Variants in ERC2 observed in about 807,000 individuals in gnomAD.
The protein encoded by ERC2 is ERC protein 2.
ERC2 carries 42 observed loss-of-function variants against 114.8 expected under a neutral mutation model. The observed-to-expected ratio is 0.37, with a 90% CI of 0.29 to 0.47. The LOEUF (loss-of-function observed/expected upper bound fraction) is 0.47. Among genes scored for constraint, ERC2 ranks in the 20% least tolerant of loss-of-function variants. The pLI, the probability that ERC2 is intolerant of heterozygous loss-of-function variation, is 0.99. For missense variants in ERC2, 939 were observed against 1,150.7 expected, an observed-to-expected ratio of 0.82 and a Z score of 2.66; for synonymous variants, 454 against 425.5, an observed-to-expected ratio of 1.07 and a Z score of -0.82.
chr3:56,340,098 G>A, intron 2 of ERC2, among the ~76,000 whole-genome samples: 1 of 152,158 alleles, frequency 6.6e-6, no homozygotes, highest in Non-Finnish European at 1.5e-5. Flanking sequence ...CCTATGATTT[G>A]GTAAATATAT....
intron 13 of ERC2, among the ~76,000 whole-genome samples, chr3:55,901,169 CTGGAGT>C (rs1172573351): frequency 6.6e-6 from 1 of 152,182 alleles, no homozygotes; most frequent in Non-Finnish European, 1.5e-5. Context: ...TTTTGTTTCA[CTGGAGT>C]AGAATAGTCA....
intron 14 of ERC2, among the ~76,000 whole-genome samples, chr3:55,874,579 T>G (rs2062737639): frequency 1.3e-5 from 2 of 151,742 alleles, no homozygotes; most frequent in Admixed American, 1.3e-4. Context: ...GATTTAACAA[T>G]GATTTGTTAA....
chr3:55,580,029 G>A (rs2057180484), intron 17 of ERC2, among the ~76,000 whole-genome samples: 1 of 152,240 alleles, frequency 6.6e-6, no homozygotes, highest in Non-Finnish European at 1.5e-5. Flanking sequence ...AGGGACATAG[G>A]AAGAGAATTC....
chr3:56,108,095 C>T (rs376920985), intron 6 of ERC2, among the ~76,000 whole-genome samples: 1 of 152,152 alleles, frequency 6.6e-6, no homozygotes, highest in African/African-American at 2.4e-5. Context: ...TAGCCTAAGA[C>T]ACTTTATTAA....
intron 1 of ERC2, among the ~76,000 whole-genome samples, chr3:56,452,866 AGT>A (rs2107526064): frequency 6.6e-6 from 1 of 152,364 alleles, no homozygotes; most frequent in East Asian, 1.9e-4. Context: ...TACTTAGCAC[AGT>A]GCCTGAGGCT....
chr3:55,597,148 C>T lies in ERC2; in HGVS notation c.*40-85872G>A, dbSNP rs574541655. On this transcript the variant is annotated intron_variant, in intron 17 of 17. Coordinates refer to ENST00000288221, the MANE Select transcript of ERC2 (RefSeq NM_015576.3). ...AAAAGAAGAATGATTTGGCCGGGCG[C>T]GGTGGCTCACGCCTGTAATCCCAGC... Among the ~76,000 whole-genome samples the T allele has an allele frequency of 3.3e-4, 50 of 152,256 alleles. 1 individual carries two copies. The South Asian group carries it at 5.4e-3, about 16-fold the overall frequency.
intron 7 of ERC2, among the ~76,000 whole-genome samples, chr3:56,047,788 C>T (rs114765078): frequency 1.1e-3 from 174 of 152,302 alleles, no homozygotes; most frequent in African/African-American, 4.1e-3. Flanking sequence ...TTCCTCCTTT[C>T]CATGGTTCAG....
chr3:56,378,668 A>C (rs1205608965), intron 2 of ERC2, among the ~76,000 whole-genome samples: 1 of 152,212 alleles, frequency 6.6e-6, no homozygotes, highest in East Asian at 1.9e-4. Flanking sequence ...ATATAATTCC[A>C]AGTTCCCAAA....
chr3:56,002,833 AC>A (rs1455963595), intron 10 of ERC2, among the ~76,000 whole-genome samples: 1 of 152,154 alleles, frequency 6.6e-6, no homozygotes, highest in Non-Finnish European at 1.5e-5. Context: ...TCTTCAGCTG[AC>A]TTTTGTTTTT....
At chr3:55,691,049 C>T (rs993097812) in intron 16 of ERC2, among the ~76,000 whole-genome samples, 1 of 152,188 alleles carries the variant, frequency 6.6e-6, no homozygotes, top group African/African-American at 2.4e-5. Context: ...TACCTGTGGC[C>T]TCACAGAGAG....
chr3:55,878,056 TG>T (rs2062945984), intron 14 of ERC2, among the ~76,000 whole-genome samples: 1 of 152,166 alleles, frequency 6.6e-6, no homozygotes, highest in Non-Finnish European at 1.5e-5. Context: ...CTTTTCTTAA[TG>T]GGTGACCTTC....
intron 3 of ERC2, among the ~76,000 whole-genome samples, chr3:56,281,466 G>C (rs2054344910): frequency 7.2e-6 from 1 of 139,114 alleles, no homozygotes; most frequent in Non-Finnish European, 1.5e-5. Flanking sequence ...AAAAAGTATA[G>C]AGGACATTAT....
At chr3:55,674,705 C>T (rs2061705946) in intron 17 of ERC2, among the ~76,000 whole-genome samples, 1 of 152,200 alleles carries the variant, frequency 6.6e-6, no homozygotes, top group Non-Finnish European at 1.5e-5. Flanking sequence ...GAGAAATCTT[C>T]TCTCGAAGAG....
At chr3:56,130,545 C>T (rs941913533) in intron 6 of ERC2, among the ~76,000 whole-genome samples, 16 of 152,154 alleles carry the variant, frequency 1.1e-4, no homozygotes, top group African/African-American at 3.4e-4. Context: ...TTAAATAAGG[C>T]GTTCTCTGAA....
intron 17 of ERC2, among the ~76,000 whole-genome samples, chr3:55,679,220 A>T (rs1458031446): frequency 2.0e-5 from 3 of 152,000 alleles, no homozygotes; most frequent in Admixed American, 1.3e-4. Flanking sequence ...ACCCAGAGTT[A>T]TGGTCTTCAA....
rs368728798 is a variant in ERC2 at position 55,747,780 on chromosome 3, C to T, written c.2565-12862G>A. Among the ~76,000 whole-genome samples, 61 of 152,324 alleles carry T rather than the reference C, an allele frequency of 4.0e-4. 2 individuals carry two copies. In the South Asian group the frequency reaches 0.012, roughly 29 times the overall value. On this transcript the variant is annotated intron_variant, in intron 14 of 17. Transcript: ENST00000288221. ...AATGACCACAAATTAATTTCAGAGC[C>T]CAAGTTACAGAAGTATAGAACTATG...
chr3:56,364,980 G>A (rs1261020538), intron 2 of ERC2, among the ~76,000 whole-genome samples: 1 of 152,278 alleles, frequency 6.6e-6, no homozygotes, highest in Middle Eastern at 3.4e-3. Flanking sequence ...ACCTCTCATA[G>A]CCTATGTTTC....
chr3:56,206,555 A>T (rs1297057591), intron 3 of ERC2, among the ~76,000 whole-genome samples: 1 of 152,232 alleles, frequency 6.6e-6, no homozygotes, highest in Non-Finnish European at 1.5e-5. Context: ...TTTATCCATT[A>T]TAAGAGTTAC....
At chr3:55,622,020 T>A (rs1220510941) in intron 17 of ERC2, among the ~76,000 whole-genome samples, 1 of 152,198 alleles carries the variant, frequency 6.6e-6, no homozygotes. Flanking sequence ...GCTCTTTTCA[T>A]AAACCTAACT....
Sources: gnomAD v4.1 joint callset for allele counts (sites outside exome capture counted in the v4.1 genomes callset) on GRCh38, gnomAD v4.1.1 for gene constraint, MANE v1.5 for transcripts, NCBI Gene and HGNC (gene_info 2026-07-23, HGNC 2026-07-21) for gene names.